AGBL3: variants seen among roughly 807,000 people sequenced by gnomAD.
AGBL3 encodes the protein AGBL carboxypeptidase 3, also known as cytosolic carboxypeptidase 3.
AGBL3 carries 68 observed loss-of-function variants against 94.5 expected under a neutral mutation model. That is an observed-to-expected ratio of 0.72 (90% CI 0.59 to 0.88). AGBL3 has a LOEUF of 0.88. AGBL3 is among the 40% of genes least tolerant of loss of function. The probability of loss-of-function intolerance (pLI) is 0.00; values close to 1 mark genes in which losing one functional copy is unlikely to be tolerated. For synonymous variants in AGBL3, 354 were observed against 370.7 expected, an observed-to-expected ratio of 0.95 and a Z score of 0.52; for missense variants, 934 against 1,103.8, an observed-to-expected ratio of 0.85 and a Z score of 2.18.
chr7:135,037,675 C>CT lies in AGBL3; in HGVS notation c.1500+104dup, dbSNP rs897571909. The CT allele has an allele frequency of 9.3e-4, 963 of 1,040,860 alleles. 3 individuals are homozygous for CT. Among genetic ancestry groups the CT allele is most frequent in the South Asian group, 2.9e-3 (117 of 40,440 alleles). The allele number at this position is 1,040,860 out of a possible 1,614,324, so 64.5% of individuals were successfully genotyped here. On this transcript the variant is annotated intron_variant, in intron 8 of 16. Transcript: ENST00000436302. ...ACGTGGATAATACTATTCCAAACTGCTTTTTTTTTAGTTAGTTTGACCAGT... is the reference window on the plus strand; with the variant it reads ...ACGTGGATAATACTATTCCAAACTGCTTTTTTTTTTAGTTAGTTTGACCAGT...
chr7:135,047,785 T>C (rs1217776381), intron 11 of AGBL3, among the ~76,000 whole-genome samples: 1 of 151,968 alleles, frequency 6.6e-6, no homozygotes, highest in Non-Finnish European at 1.5e-5. Context: ...CCTTATTAGA[T>C]GTATAGTTTG....
chr7:135,126,880 A>G (rs778105610), intron 16 of AGBL3, among the ~76,000 whole-genome samples: 10 of 152,246 alleles, frequency 6.6e-5, no homozygotes, highest in Non-Finnish European at 1.2e-4. Context: ...AAGATGGATT[A>G]AAGACTTAAA....
At chr7:135,018,441 C>G (rs879927968) in intron 5 of AGBL3, among the ~76,000 whole-genome samples, 6 of 152,166 alleles carry the variant, frequency 3.9e-5, no homozygotes, top group African/African-American at 1.4e-4. Context: ...TCTTTGGAAA[C>G]GTATAATGTG....
intron 13 of AGBL3, 57 bp downstream of exon 13, chr7:135,076,525 C>A: frequency 7.6e-7 from 1 of 1,321,432 alleles, no homozygotes; most frequent in South Asian, 1.3e-5. Context: ...AAGAGAATGG[C>A]AAGTTATTTT....
rs202204569 is a variant in AGBL3 at position 135,119,233 on chromosome 7, A to AT, written c.2342+3622_2342+3623insT. On this transcript the variant is annotated intron_variant, in intron 16 of 16. Coordinates refer to ENST00000436302, the MANE Select transcript of AGBL3 (RefSeq NM_178563.4). ...TCATGCCAAGATACCCCAAAATTTA[A>AT]ATTTTTTTTTTTTTGAGACAAAGTC... Among the ~76,000 whole-genome samples the AT allele has an allele frequency of 4.1e-3, 619 of 149,376 alleles. 5 individuals are homozygous for AT. The highest frequency in any genetic ancestry group is 0.025 in the South Asian group (115 of 4,664).
At chr7:135,011,393 C>G (rs1278201875) in intron 4 of AGBL3, 3 of 151,882 alleles carry the variant, frequency 2.0e-5, no homozygotes, top group Non-Finnish European at 4.4e-5. Flanking sequence ...ATACCCTAAA[C>G]CATAAAGAAA....
At chr7:135,099,144 A>G (rs1306061401) in intron 15 of AGBL3, among the ~76,000 whole-genome samples, 1 of 151,462 alleles carries the variant, frequency 6.6e-6, no homozygotes, top group African/African-American at 2.4e-5. Flanking sequence ...TAATTATTAT[A>G]TGTTAGACTA....
chr7:135,104,548 A>G (rs980621934), intron 15 of AGBL3, among the ~76,000 whole-genome samples: 1 of 152,142 alleles, frequency 6.6e-6, no homozygotes, highest in Non-Finnish European at 1.5e-5. Flanking sequence ...TCCCACCAAC[A>G]GTGTATAAGA....
chr7:135,010,032 T>C (rs1177749354), intron 4 of AGBL3: 11 of 444,322 alleles, frequency 2.5e-5, no homozygotes, highest in African/African-American at 4.1e-5. Flanking sequence ...CTTTTTTTTT[T>C]TTTTTTAAGA....
At chr7:135,062,941 G>A (rs761210156) in intron 12 of AGBL3, among the ~76,000 whole-genome samples, 1 of 152,050 alleles carries the variant, frequency 6.6e-6, no homozygotes, top group African/African-American at 2.4e-5. Flanking sequence ...ATTCATATTA[G>A]TTCCTCTTTA....
At chr7:135,089,532 G>A (rs1821600809) in intron 15 of AGBL3, among the ~76,000 whole-genome samples, 1 of 152,158 alleles carries the variant, frequency 6.6e-6, no homozygotes, top group Admixed American at 6.5e-5. Context: ...CCTACAGTTG[G>A]GTTTCTGTGT....
chr7:135,035,117 C>CTAACCTCCCCTTAAA (rs72283959), intron 7 of AGBL3, among the ~76,000 whole-genome samples, 189 bp downstream of exon 7: 1 of 151,518 alleles, frequency 6.6e-6, no homozygotes, highest in Non-Finnish European at 1.5e-5. Flanking sequence ...ACTGGATTCA[C>CTAACCTCCCCTTAAA]TAACCTCCCC....
intron 16 of AGBL3, among the ~76,000 whole-genome samples, chr7:135,121,316 C>G (rs1317333751): frequency 6.6e-6 from 1 of 152,026 alleles, no homozygotes; most frequent in Non-Finnish European, 1.5e-5. Context: ...AGAAAATAAG[C>G]AAGGATATAA....
At chr7:135,001,669 T>A (rs769922631) in intron 4 of AGBL3, among the ~76,000 whole-genome samples, 34 of 152,146 alleles carry the variant, frequency 2.2e-4, no homozygotes, top group Non-Finnish European at 7.4e-5. Context: ...TCCCTATTCT[T>A]TCATGACTCA....
At chr7:135,082,595 T>C (rs1003371321) in intron 15 of AGBL3, among the ~76,000 whole-genome samples, 1 of 152,138 alleles carries the variant, frequency 6.6e-6, no homozygotes, top group Non-Finnish European at 1.5e-5. Flanking sequence ...AAAATTATTC[T>C]AAAATCTTGA....
At chr7:135,059,779 G>A (rs1169082837) in intron 12 of AGBL3, among the ~76,000 whole-genome samples, 1 of 152,114 alleles carries the variant, frequency 6.6e-6, no homozygotes, top group Non-Finnish European at 1.5e-5. Context: ...TTGCAGTTTG[G>A]GATAGAGGCT....
chr7:134,998,012 G>A (rs1408876839), intron 4 of AGBL3, among the ~76,000 whole-genome samples: 1 of 152,020 alleles, frequency 6.6e-6, no homozygotes, highest in Non-Finnish European at 1.5e-5. Context: ...ATTTTTCATT[G>A]ATATTACATA....
intron 6 of AGBL3, 111 bp from the exon 7 acceptor site, chr7:135,034,038 G>T: frequency 2.9e-6 from 3 of 1,041,722 alleles, no homozygotes; most frequent in Non-Finnish European, 4.0e-6. Context: ...CTGTGAATGA[G>T]TAAAAATAAA....
At chr7:135,021,393 G>A (rs1159692584) in intron 5 of AGBL3, among the ~76,000 whole-genome samples, 1 of 151,032 alleles carries the variant, frequency 6.6e-6, no homozygotes, top group Non-Finnish European at 1.5e-5. Context: ...CCAGGTTCAT[G>A]CCATTCTCCT....
Sources: allele counts gnomAD v4.1 joint callset (sites outside exome capture counted in the v4.1 genomes callset), GRCh38; gene constraint gnomAD v4.1.1; transcripts MANE v1.5; gene names NCBI Gene and HGNC (gene_info 2026-07-23, HGNC 2026-07-21).